Variants in C10orf90 observed in about 807,000 individuals in gnomAD.
C10orf90 encodes (E2-independent) E3 ubiquitin-conjugating enzyme FATS.
Under a neutral mutation model 62.5 loss-of-function variants are expected in C10orf90, and 56 were observed. That is an observed-to-expected ratio of 0.90 (90% CI 0.72 to 1.12). The LOEUF (loss-of-function observed/expected upper bound fraction) is 1.12, where lower values mean the gene tolerates loss of function less well. Among genes scored for constraint, C10orf90 ranks in the 50% most tolerant of loss-of-function variants. The pLI, the probability that C10orf90 is intolerant of heterozygous loss-of-function variation, is 0.00. For missense variants in C10orf90, 970 were observed against 880.4 expected (o/e 1.10, Z -1.29); for synonymous variants, 386 against 340.4 (o/e 1.13, Z -1.47).
chr10:126,501,474 G>A (rs958133401), intron 4 of C10orf90, among the ~76,000 whole-genome samples: 1 of 152,148 alleles, frequency 6.6e-6, no homozygotes. Context: ...CTGTGGCTTT[G>A]GACTTTGCAA....
At chr10:126,587,228 T>C (rs771045291) in intron 2 of C10orf90, among the ~76,000 whole-genome samples, 1 of 152,268 alleles carries the variant, frequency 6.6e-6, no homozygotes, top group Non-Finnish European at 1.5e-5. Context: ...GCATGGGATC[T>C]GGGGCATTTA....
At chr10:126,616,269 T>C (rs1845539523) in intron 2 of C10orf90, among the ~76,000 whole-genome samples, 1 of 152,248 alleles carries the variant, frequency 6.6e-6, no homozygotes, top group African/African-American at 2.4e-5. Flanking sequence ...CTACCATCTA[T>C]GCTTCCCTCT....
At chr10:126,628,366 T>C (rs1845787821) in intron 2 of C10orf90, among the ~76,000 whole-genome samples, 2 of 152,160 alleles carry the variant, frequency 1.3e-5, no homozygotes, top group African/African-American at 4.8e-5. Context: ...GGTGGGTGGA[T>C]GGATGGATAG....
chr10:126,454,428 G>T (rs1032939532), intron 7 of C10orf90, among the ~76,000 whole-genome samples: 17 of 151,668 alleles, frequency 1.1e-4, no homozygotes, highest in African/African-American at 4.1e-4. Context: ...ATGACCTGCA[G>T]AGGTTGTAAC....
At chr10:126,510,590 G>C (rs796429861) in intron 3 of C10orf90, among the ~76,000 whole-genome samples, 5 of 152,308 alleles carry the variant, frequency 3.3e-5, no homozygotes, top group African/African-American at 1.2e-4. Context: ...GGTCAGATGA[G>C]TGGCTGGGTT....
intron 2 of C10orf90, among the ~76,000 whole-genome samples, chr10:126,532,588 T>C (rs968210632): frequency 1.3e-5 from 2 of 151,702 alleles, no homozygotes; most frequent in African/African-American, 4.8e-5. Context: ...CTATAGTCCC[T>C]GCACTTTGGG....
At chr10:126,614,630 C>T (rs1359899868) in intron 2 of C10orf90, among the ~76,000 whole-genome samples, 1 of 149,068 alleles carries the variant, frequency 6.7e-6, no homozygotes, top group African/African-American at 2.4e-5. Context: ...AGGGGAAATC[C>T]TCCTCCATTT....
At chr10:126,469,970 G>A (rs747341248) in intron 4 of C10orf90, 17 of 456,560 alleles carry the variant, frequency 3.7e-5, no homozygotes, top group Non-Finnish European at 7.0e-5. Context: ...TGCATGCTGC[G>A]GAGGCAGGGA....
intron 1 of C10orf90, among the ~76,000 whole-genome samples, chr10:126,661,532 C>T (rs4962586): frequency 0.47 from 71,488 of 151,924 alleles, 17,450 homozygotes; most frequent in East Asian, 0.58. Context: ...CTTGGTTTGG[C>T]TGAAATGTGG....
At chr10:126,656,014 G>A (rs376906917) in intron 1 of C10orf90, among the ~76,000 whole-genome samples, 3 of 152,058 alleles carry the variant, frequency 2.0e-5, no homozygotes, top group South Asian at 2.1e-4. Flanking sequence ...AGTCCTTTTC[G>A]TGGCTGACTT....
At position 126,529,348 on chromosome 10, in the gene C10orf90, A is replaced by G. The variant is rs571543241; in HGVS notation, c.314-15409T>C. Among the ~76,000 whole-genome samples, 4 of 152,314 alleles carry G rather than the reference A, an allele frequency of 2.6e-5. No individual in the cohort carries two copies. The East Asian group carries it at 5.8e-4, about 22-fold the overall frequency. On this transcript the variant is annotated intron_variant, in intron 2 of 9. Transcript: ENST00000488181. ...TAGAATATTCCCAAAGACAAACACCATTAAATAAAAGTTTGATAATTTCAA... is the reference window on the plus strand; with the variant it reads ...TAGAATATTCCCAAAGACAAACACCGTTAAATAAAAGTTTGATAATTTCAA...
At chr10:126,465,164 G>A (rs1471610068) in intron 4 of C10orf90, among the ~76,000 whole-genome samples, 178 bp from the exon 5 acceptor site, 2 of 152,128 alleles carry the variant, frequency 1.3e-5, no homozygotes, top group African/African-American at 4.8e-5. Flanking sequence ...GAAAGAGACT[G>A]TGCTTGGTGG....
chr10:126,536,847 C>G (rs1864250571), intron 2 of C10orf90, among the ~76,000 whole-genome samples: 1 of 152,138 alleles, frequency 6.6e-6, no homozygotes, highest in Non-Finnish European at 1.5e-5. Flanking sequence ...TGTGCTTCCC[C>G]TAAAACATGA....
At chr10:126,628,768 G>C (rs923775190) in intron 2 of C10orf90, among the ~76,000 whole-genome samples, 6 of 152,194 alleles carry the variant, frequency 3.9e-5, no homozygotes, top group African/African-American at 1.4e-4. Context: ...CCTGTATCCA[G>C]TCCCTGCAGC....
intron 2 of C10orf90, among the ~76,000 whole-genome samples, chr10:126,583,765 G>T (rs1424964441): frequency 6.6e-6 from 1 of 152,162 alleles, no homozygotes; most frequent in East Asian, 1.9e-4. Context: ...CTGTCCAGCT[G>T]CTCACATTCC....
intron 2 of C10orf90, among the ~76,000 whole-genome samples, chr10:126,602,331 C>T (rs1465340538): frequency 6.6e-6 from 1 of 152,154 alleles, no homozygotes; most frequent in Non-Finnish European, 1.5e-5. Flanking sequence ...ACTGTTTAGC[C>T]AGAAGTTTCT....
At chr10:126,535,377 T>C (rs1864208391) in intron 2 of C10orf90, among the ~76,000 whole-genome samples, 1 of 151,598 alleles carries the variant, frequency 6.6e-6, no homozygotes, top group South Asian at 2.1e-4. Context: ...ATTAGCTGGG[T>C]GTGGTGGCGG....
At chr10:126,581,890 C>T (rs1169864264) in intron 2 of C10orf90, among the ~76,000 whole-genome samples, 9 of 152,176 alleles carry the variant, frequency 5.9e-5, no homozygotes, top group Admixed American at 5.9e-4. Context: ...GACCTGGGGC[C>T]GCCTTACTGC....
intron 2 of C10orf90, among the ~76,000 whole-genome samples, chr10:126,516,865 C>T (rs1319254660): frequency 1.3e-5 from 2 of 152,244 alleles, no homozygotes; most frequent in African/African-American, 4.8e-5. Context: ...CCTTTTTCAG[C>T]TTGTAGAGGC....
Sources: gnomAD v4.1 joint callset for allele counts (sites outside exome capture counted in the v4.1 genomes callset) on GRCh38, gnomAD v4.1.1 for gene constraint, MANE v1.5 for transcripts, NCBI Gene and HGNC (gene_info 2026-07-23, HGNC 2026-07-21) for gene names.